SLIT3: variants seen among roughly 807,000 people sequenced by gnomAD.
The protein encoded by SLIT3 is slit guidance ligand 3.
SLIT3 carries 68 observed loss-of-function variants against 184.0 expected under a neutral mutation model. That is an observed-to-expected ratio of 0.37 (90% CI 0.30 to 0.45). SLIT3 has a LOEUF of 0.45. SLIT3 is among the 20% of genes least tolerant of loss of function. The pLI is 1.00. For synonymous variants in SLIT3, 831 were observed against 828.6 expected (o/e 1.00, Z -0.05); for missense variants, 1,707 against 2,026.0 (o/e 0.84, Z 3.02).
intron 33 of SLIT3, among the ~76,000 whole-genome samples, chr5:168,672,404 C>G (rs1864953): frequency 0.15 from 23,361 of 152,180 alleles, 2,382 homozygotes; most frequent in Non-Finnish European, 0.22. Context: ...TTACACTTAA[C>G]CCCTTGAGAA....
intron 4 of SLIT3, among the ~76,000 whole-genome samples, chr5:168,968,699 A>G (rs776876094): frequency 6.6e-6 from 1 of 152,106 alleles, no homozygotes. Context: ...TTGTTTACCA[A>G]ATTCATCTCC....
intron 20 of SLIT3, among the ~76,000 whole-genome samples, chr5:168,740,741 A>C (rs992704014): frequency 6.6e-6 from 1 of 152,224 alleles, no homozygotes; most frequent in Middle Eastern, 3.2e-3. Flanking sequence ...AAGTGATACC[A>C]TTTCCAAATC....
At chr5:168,845,864 G>C (rs1758444469) in intron 5 of SLIT3, among the ~76,000 whole-genome samples, 1 of 152,178 alleles carries the variant, frequency 6.6e-6, no homozygotes, top group Admixed American at 6.5e-5. Context: ...AGCTATGGCT[G>C]TACTAAAAAA....
Position 168,989,423 on chromosome 5 carries a change from G to A in SLIT3, c.414-106087C>T, listed in dbSNP as rs1755241738. ...AAATGAATTTGCTGAAAACACAGCA[G>A]GAGACTTGCAGCAAACTTTCAGGTG... On this transcript the variant is annotated intron_variant, in intron 4 of 35. Coordinates refer to ENST00000519560, the MANE Select transcript of SLIT3 (RefSeq NM_003062.4). Among the ~76,000 whole-genome samples, 3 of 152,212 alleles carry A rather than the reference G, an allele frequency of 2.0e-5. 1 individual carries two copies. In the South Asian group the frequency reaches 6.2e-4, roughly 32 times the overall value.
At chr5:168,807,213 G>A (rs1345491146) in intron 8 of SLIT3, among the ~76,000 whole-genome samples, 3 of 152,156 alleles carry the variant, frequency 2.0e-5, no homozygotes, top group African/African-American at 2.4e-5. Flanking sequence ...TTTGTTTGAG[G>A]TGAGAATCAG....
chr5:168,988,687 G>A (rs934475767), intron 4 of SLIT3, among the ~76,000 whole-genome samples: 1 of 152,158 alleles, frequency 6.6e-6, no homozygotes, highest in Admixed American at 6.5e-5. Context: ...TATATAAAAG[G>A]GTGAATGGGT....
Position 168,722,279 on chromosome 5 carries a change from G to A in SLIT3, c.2460C>T (p.Asn820=), listed in dbSNP as rs142459392. ...RLRCIPVHAF[N]GLRSLRVLTL... is the part of the protein sequence containing the mutation. ...ACAGCACTCGCAGGGACCGCAGCCC[G>A]TTGAAGGCGTGGACGGGGATGCACC... is the stretch of plus-strand genomic sequence containing the variant. The change falls in exon 23 of 36, where the codon AAC becomes AAT. Residue 820 remains asparagine, a synonymous_variant. Coordinates refer to ENST00000519560, the MANE Select transcript of SLIT3 (RefSeq NM_003062.4). The A allele has an allele frequency of 9.4e-5, 152 of 1,614,128 alleles. 2 individuals carry two copies. The highest frequency in any genetic ancestry group is 4.0e-4 in the African/African-American group (30 of 75,042).
At chr5:168,905,555 G>A (rs997764594) in intron 4 of SLIT3, among the ~76,000 whole-genome samples, 4 of 152,212 alleles carry the variant, frequency 2.6e-5, no homozygotes, top group African/African-American at 9.7e-5. Context: ...CACAGACTCG[G>A]AGAGGTGAAC....
At chr5:169,063,510 C>A (rs1402217796) in intron 4 of SLIT3, among the ~76,000 whole-genome samples, 1 of 152,246 alleles carries the variant, frequency 6.6e-6, no homozygotes, top group African/African-American at 2.4e-5. Flanking sequence ...GCTTTCTGAC[C>A]CGCCTCGGGG....
chr5:169,281,492 C>T (rs990979972), intron 1 of SLIT3, among the ~76,000 whole-genome samples: 1 of 152,194 alleles, frequency 6.6e-6, no homozygotes. Context: ...CCCAGCTTTG[C>T]TCATTGATCT....
At chr5:168,779,247 A>T (rs1033901223) in intron 12 of SLIT3, among the ~76,000 whole-genome samples, 1 of 152,184 alleles carries the variant, frequency 6.6e-6, no homozygotes, top group Non-Finnish European at 1.5e-5. Flanking sequence ...TCCAATCGTC[A>T]TGCTGCTGTG....
At chr5:169,209,609 T>C (rs1764190158) in intron 3 of SLIT3, among the ~76,000 whole-genome samples, 1 of 152,206 alleles carries the variant, frequency 6.6e-6, no homozygotes, top group Non-Finnish European at 1.5e-5. Flanking sequence ...TGGAATACTA[T>C]GCAGCCATAG....
chr5:168,821,416 G>A (rs986075882), intron 7 of SLIT3, among the ~76,000 whole-genome samples: 2 of 152,210 alleles, frequency 1.3e-5, no homozygotes, highest in Non-Finnish European at 2.9e-5. Context: ...GGGTAATGCA[G>A]GCCCAGCACC....
intron 14 of SLIT3, among the ~76,000 whole-genome samples, chr5:168,767,667 C>T (rs1755391628): frequency 6.6e-6 from 1 of 152,222 alleles, no homozygotes; most frequent in African/African-American, 2.4e-5. Context: ...CACCCATTCT[C>T]ATGCTGACGT....
chr5:168,752,964 A>C lies in SLIT3; in HGVS notation c.1964T>G (p.Leu655Arg). Reference sequence around the variant, plus strand: ...ACCCAGGAGAACTTACATGGTGGACAGGGAGACAAGCGTGGTGAAGGCCCC... The same window carrying C: ...ACCCAGGAGAACTTACATGGTGGACCGGGAGACAAGCGTGGTGAAGGCCCC... ...TPGAFTTLVSLSTINLLSNPF... is the reference protein window; with the variant it reads ...TPGAFTTLVSRSTINLLSNPF... The change falls in exon 18 of 36, where the codon CTG (leucine) becomes CGG (arginine). Residue 655 changes from leucine to arginine, a missense_variant. Coordinates refer to ENST00000519560, the MANE Select transcript of SLIT3 (RefSeq NM_003062.4). 6.2e-7 allele frequency: 1 copy of C among 1,614,116 alleles called. No individual in the cohort carries two copies. The highest frequency in any genetic ancestry group is 8.5e-7 in the Non-Finnish European group (1 of 1,179,996).
intron 3 of SLIT3, among the ~76,000 whole-genome samples, chr5:169,234,752 C>A (rs1471074370): frequency 6.6e-6 from 1 of 152,102 alleles, no homozygotes; most frequent in East Asian, 1.9e-4. Flanking sequence ...TCCATGGGCA[C>A]CATGAGGCCT....
intron 4 of SLIT3, among the ~76,000 whole-genome samples, chr5:169,163,061 G>A (rs939061717): frequency 2.6e-5 from 4 of 152,080 alleles, no homozygotes; most frequent in South Asian, 2.1e-4. Context: ...GGTGGCTCAC[G>A]CTTGTAATCC....
chr5:168,916,424 G>A (rs1400232575), intron 4 of SLIT3, among the ~76,000 whole-genome samples: 3 of 152,230 alleles, frequency 2.0e-5, no homozygotes, highest in African/African-American at 7.2e-5. Flanking sequence ...TCAGGACCCA[G>A]AGAAGACAGG....
intron 4 of SLIT3, among the ~76,000 whole-genome samples, chr5:169,079,840 G>A (rs1581385350): frequency 1.7e-5 from 2 of 117,310 alleles, no homozygotes; most frequent in African/African-American, 3.2e-5. Flanking sequence ...GGAGGAGGGA[G>A]GGAGGAGGAG....
Sources: allele counts gnomAD v4.1 joint callset (sites outside exome capture counted in the v4.1 genomes callset), GRCh38; gene constraint gnomAD v4.1.1; transcripts MANE v1.5; gene names NCBI Gene and HGNC (gene_info 2026-07-23, HGNC 2026-07-21).